MXRA8: variants seen among roughly 807,000 people sequenced by gnomAD.
MXRA8 encodes the protein matrix remodeling associated 8, also known as matrix remodeling-associated protein 8.
MXRA8 carries 44 observed loss-of-function variants against 51.4 expected under a neutral mutation model. That is an observed-to-expected ratio of 0.86 (90% CI 0.67 to 1.10). The LOEUF is 1.10. Ranked by LOEUF, MXRA8 falls within the 50% of genes least tolerant of loss-of-function variation. The pLI, the probability that MXRA8 is intolerant of heterozygous loss-of-function variation, is 0.00. For missense variants in MXRA8, 765 were observed against 638.9 expected (o/e 1.20, Z -2.13); for synonymous variants, 369 against 293.5 (o/e 1.26, Z -2.63).
intron 9 of MXRA8, 39 bp from the exon 10 acceptor site, chr1:1,353,668 C>T: frequency 6.5e-7 from 1 of 1,546,430 alleles, no homozygotes; most frequent in Non-Finnish European, 8.8e-7. Context: ...CGGCTGTCCT[C>T]CACCCTCATC....
chr1:1,354,571 G>C, intron 5 of MXRA8, 62 bp from the exon 6 acceptor site: 1 of 1,576,696 alleles, frequency 6.3e-7, no homozygotes, highest in Non-Finnish European at 8.6e-7. Flanking sequence ...CCCGACCCGG[G>C]CCACGGCCCC....
At chr1:1,363,438 CT>C (rs71490532), upstream of MXRA8, among the ~76,000 whole-genome samples, 58 of 144,452 alleles carry the variant, frequency 4.0e-4, no homozygotes, top group South Asian at 4.8e-3. Context: ...TCAGTTTTTT[CT>C]TTTTTTTTTT....
At position 1,358,459 on chromosome 1, in the gene MXRA8, G is replaced by A; in HGVS notation, c.46C>T (p.Gln16Ter). The A allele has an allele frequency of 6.2e-7, 1 of 1,612,342 alleles. No individual in the cohort carries two copies. The change falls in exon 1 of 10, where the codon CAG becomes TAG. Residue 16 changes from glutamine to a stop codon, truncating the protein, a stop_gained. Coordinates refer to ENST00000309212, the MANE Select transcript of MXRA8 (RefSeq NM_032348.4). LOFTEE classifies it high-confidence loss of function. ...RILLWKLVLL[Q>*]SSAVLLHSGS... is the part of the protein sequence containing the mutation. ...CCTCCCAGGGCCCCACACTCACTCT[G>A]CAGAAGCACAAGTTTCCAAAGCAGG...
Position 1,353,616 on chromosome 1 carries a change from C to T in MXRA8, c.1317G>A (p.Glu439=), listed in dbSNP as rs1199668878. 3 of 1,563,242 alleles carry T rather than the reference C, an allele frequency of 1.9e-6. No homozygotes were observed. The African/African-American group carries it at 4.0e-5, about 21-fold the overall frequency. The stretch of plus-strand genomic sequence containing the variant: ...GCCCAGGGCCTCCCTATTTGCAGTT[C>T]TCCTTCCGGAACCCTGGAAGCCAAG... ...YIDLDKGFRK[E]NCK Residue 439 remains glutamate, a synonymous_variant, in exon 10 of 10, where the codon GAG becomes GAA. Transcript: ENST00000309212.
rs1301450613 is a variant in MXRA8 at position 1,355,758 on chromosome 1, G to C, written c.74-6C>G. 7 of 1,285,354 alleles carry C rather than the reference G, an allele frequency of 5.4e-6. No homozygotes were observed. Among genetic ancestry groups the C allele is most frequent in the East Asian group, 6.4e-5 (2 of 31,158 alleles). 79.6% of individuals were successfully genotyped at this position (1,285,354 alleles called of 1,614,324 possible). ...AGCGGCGGGTACCGAGGACCCTGGT[G>C]GGGGAGGGGAGTCGGTGGGGGAAGG... On this transcript the variant is annotated splice_region_variant and splice_polypyrimidine_tract_variant and intron_variant, in intron 2 of 9. Coordinates refer to ENST00000309212, the MANE Select transcript of MXRA8 (RefSeq NM_032348.4).
chr1:1,357,488 G>A (rs567172152), intron 1 of MXRA8, among the ~76,000 whole-genome samples: 19 of 152,122 alleles, frequency 1.2e-4, no homozygotes, highest in African/African-American at 2.4e-4. Flanking sequence ...CACGGGGCTC[G>A]TGCCGCTTGC....
In MXRA8 at chr1:1,353,319, G is replaced by C; in HGVS notation, c.*285C>G. 4.5e-6 allele frequency: 7 copies of C among 1,549,900 alleles called. No individual in the cohort carries two copies. In the Admixed American group the frequency reaches 1.4e-4, roughly 30 times the overall value. ...AATGTCTTCAGGCCCCCAGCGGGCA[G>C]AGCCCAGAAGGGTCTGAGGGCATGA... On this transcript the variant is annotated 3_prime_UTR_variant, in exon 10 of 10. Transcript: ENST00000309212.
At chr1:1,361,263 T>A, upstream of MXRA8, 1 of 703,474 alleles carries the variant, frequency 1.4e-6, no homozygotes, top group East Asian at 2.7e-5. Flanking sequence ...CAGCGGATCA[T>A]CGATGGCTGA....
chr1:1,354,177 G>A lies in MXRA8; in HGVS notation c.1145+16C>T. On this transcript the variant is annotated intron_variant, in intron 7 of 9. Transcript: ENST00000309212. The stretch of plus-strand genomic sequence containing the variant: ...GGGGCCCTGGTCCCCAGGAGGGCCG[G>A]GAGGGGGGCACTCACCCCTTTGACT... 1 of 1,612,744 alleles carries A rather than the reference G, an allele frequency of 6.2e-7. No homozygotes were observed. The highest frequency in any genetic ancestry group is 8.5e-7 in the Non-Finnish European group (1 of 1,179,980).
Position 1,354,662 on chromosome 1 carries a change from C to G in MXRA8, c.949+20G>C, listed in dbSNP as rs778869249. 1 of 1,550,238 alleles carries G rather than the reference C, an allele frequency of 6.5e-7. No homozygotes were observed. The highest frequency in any genetic ancestry group is 8.7e-7 in the Non-Finnish European group (1 of 1,150,744). ...GGGGTGGGCTCCCGCCTTCCCGGGT[C>G]CCAGGGAGGCCTCCTTCACCTGGGC... On this transcript the variant is annotated intron_variant, in intron 5 of 9. Transcript: ENST00000309212.
At chr1:1,357,798 G>C (rs1182234726) in intron 1 of MXRA8, among the ~76,000 whole-genome samples, 1 of 152,156 alleles carries the variant, frequency 6.6e-6, no homozygotes, top group Non-Finnish European at 1.5e-5. Context: ...TGGCGAGAGA[G>C]AAACTGCCTC....
chr1:1,353,897 C>A lies in MXRA8; in HGVS notation c.1254G>T (p.Ala418=), dbSNP rs138170698. The change falls in exon 9 of 10, where the codon GCG becomes GCT. Residue 418 remains alanine, a synonymous_variant. Coordinates refer to ENST00000309212, the MANE Select transcript of MXRA8 (RefSeq NM_032348.4). ...CAGGCAGGGGGCTGTGGGCCAGCTC[C>A]GCCCTCTCCTTCAGGATGTTGTTTT... ...DYKNNILKER[A]ELAHSPLPAK... is the part of the protein sequence containing the mutation. 32 of 1,609,238 alleles carry A rather than the reference C, an allele frequency of 2.0e-5. 2 individuals are homozygous for A. The Admixed American group carries it at 5.0e-4, about 25-fold the overall frequency.
At chr1:1,361,576 C>T (rs896624783), upstream of MXRA8, 23 of 471,998 alleles carry the variant, frequency 4.9e-5, no homozygotes, top group Admixed American at 4.1e-4. Context: ...GGTCTTGGGA[C>T]GCCAGGGACC....
In MXRA8 at chr1:1,355,226, C is replaced by CGGGGGGGGGGGGGG; in HGVS notation, c.478+17_478+18insCCCCCCCCCCCCCC. ...GGGTCGAGGGGCGGGAGCTGGGGGG[C>CGGGGGGGGGGGGGG]GGGGGGGAAGCACTCACGGCCGTCG... On this transcript the variant is annotated intron_variant, in intron 4 of 9. Coordinates refer to ENST00000309212, the MANE Select transcript of MXRA8 (RefSeq NM_032348.4). The CGGGGGGGGGGGGGG allele has an allele frequency of 3.0e-6, 2 of 663,442 alleles. No individual in the cohort carries two copies. The highest frequency in any genetic ancestry group is 2.2e-6 in the Non-Finnish European group (1 of 457,354). 41.1% of individuals were successfully genotyped at this position (663,442 alleles called of 1,614,324 possible). A position where few individuals can be genotyped will look rare whatever the true frequency, so the allele number is the denominator to read the frequency against.
rs778177801 is a variant in MXRA8, at chr1:1,353,646, C to T, written c.1304-17G>A. The T allele has an allele frequency of 6.4e-7, 1 of 1,563,748 alleles. No individual in the cohort carries two copies. Among genetic ancestry groups the T allele is most frequent in the South Asian group, 1.2e-5 (1 of 85,306 alleles). ...TCCGGAACCCTGGAAGCCAAGGGCG[C>T]CAACGGGTTGGCGGCTGTCCTCCAC... On this transcript the variant is annotated splice_polypyrimidine_tract_variant and intron_variant, in intron 9 of 9. Coordinates refer to ENST00000309212, the MANE Select transcript of MXRA8 (RefSeq NM_032348.4).
chr1:1,354,299 C>G, intron 6 of MXRA8, 55 bp downstream of exon 6: 8 of 1,598,108 alleles, frequency 5.0e-6, no homozygotes, highest in African/African-American at 1.3e-5. Context: ...CAGAGGACCA[C>G]CCTCCCGCCC....
chr1:1,360,671 G>T (rs899057913), upstream of MXRA8, among the ~76,000 whole-genome samples: 1 of 152,212 alleles, frequency 6.6e-6, no homozygotes, highest in Non-Finnish European at 1.5e-5. Context: ...CCCACCTCTG[G>T]GGGTTGGGGT....
upstream of MXRA8, chr1:1,361,221 GAC>G (rs1404910888): frequency 8.5e-6 from 6 of 703,354 alleles, no homozygotes; most frequent in South Asian, 5.9e-5. Context: ...CACATGGAAA[GAC>G]ACACACAGAG....
Position 1,353,852 on chromosome 1 carries a change from G to C in MXRA8, c.1299C>G (p.Asp433Glu). 1 of 1,596,190 alleles carries C rather than the reference G, an allele frequency of 6.3e-7. No individual in the cohort carries two copies. Among genetic ancestry groups the C allele is most frequent in the Non-Finnish European group, 8.5e-7 (1 of 1,171,382 alleles). ...SPLPAKYIDLDKGFRKENCK is the reference protein window; with the variant it reads ...SPLPAKYIDLEKGFRKENCK ...GAGGTCGCCCCCGCCGCTCACCTTT[G>C]TCTAGGTCGATGTACTTGGCAGGCA... is the stretch of plus-strand genomic sequence containing the variant. Residue 433 changes from aspartate (D) to glutamate (E), a missense_variant, in exon 9 of 10, where the codon GAC becomes GAG. Coordinates refer to ENST00000309212, the MANE Select transcript of MXRA8 (RefSeq NM_032348.4).
Sources: allele counts gnomAD v4.1 joint callset (sites outside exome capture counted in the v4.1 genomes callset), GRCh38; gene constraint gnomAD v4.1.1; transcripts MANE v1.5; gene names NCBI Gene and HGNC (gene_info 2026-07-23, HGNC 2026-07-21).